Variants in ROR2 observed in about 807,000 individuals in gnomAD.
The protein encoded by ROR2 is tyrosine-protein kinase transmembrane receptor ROR2.
In ROR2, 33 loss-of-function variants were observed where a neutral mutation model predicts 74.9. The ratio of observed to expected loss-of-function variants is 0.44; its 90% confidence interval spans 0.33 to 0.59. The LOEUF (loss-of-function observed/expected upper bound fraction) is 0.59. Among genes scored for constraint, ROR2 ranks in the 20% least tolerant of loss-of-function variants. ROR2 has a pLI of 0.02. For synonymous variants in ROR2, 586 were observed against 558.7 expected, an observed-to-expected ratio of 1.05 and a Z score of -0.69; for missense variants, 1,216 against 1,313.8, an observed-to-expected ratio of 0.93 and a Z score of 1.15.
intron 1 of ROR2, among the ~76,000 whole-genome samples, chr9:91,810,522 C>T (rs1827715466): frequency 6.6e-6 from 1 of 152,176 alleles, no homozygotes; most frequent in South Asian, 2.1e-4. Flanking sequence ...CAGCTGGGAC[C>T]CTCTGCTCTG....
At chr9:91,879,076 A>T (rs1830033774) in intron 1 of ROR2, among the ~76,000 whole-genome samples, 1 of 150,784 alleles carries the variant, frequency 6.6e-6, no homozygotes, top group Admixed American at 6.6e-5. Flanking sequence ...CAAACAATAA[A>T]AAAAAAAAAG....
At chr9:91,913,707 T>C (rs535631841) in intron 1 of ROR2, among the ~76,000 whole-genome samples, 2 of 152,312 alleles carry the variant, frequency 1.3e-5, no homozygotes, top group African/African-American at 2.4e-5. Flanking sequence ...TTCACCAATC[T>C]TGACAGTTTA....
chr9:91,892,594 T>C (rs866469196), intron 1 of ROR2, among the ~76,000 whole-genome samples: 2,628 of 144,460 alleles, frequency 0.018, 97 homozygotes, highest in African/African-American at 0.065. Flanking sequence ...TCTTTTCTTT[T>C]TTTTTTTTTT....
chr9:91,940,397 A>C (rs1419951743), intron 1 of ROR2, among the ~76,000 whole-genome samples: 1 of 152,170 alleles, frequency 6.6e-6, no homozygotes, highest in East Asian at 1.9e-4. Context: ...CAGTCGTCTA[A>C]TTTTATGTGT....
In ROR2 at chr9:91,762,046, C is replaced by T. The variant is rs990175198; in HGVS notation, c.176-4487G>A. 5.9e-5 allele frequency among the ~76,000 whole-genome samples: 9 copies of T among 152,140 alleles called. No individual in the cohort carries two copies. In the South Asian group the frequency reaches 1.0e-3, roughly 18 times the overall value. The stretch of plus-strand genomic sequence containing the variant: ...ATTGTTGTCTCAGTGATTGGCTTTC[C>T]GTGTGGTGAGCAGCAGGACCTAGAC... On this transcript the variant is annotated intron_variant, in intron 2 of 8. Transcript: ENST00000375708.
chr9:91,887,716 A>AT (rs781505635), intron 1 of ROR2, among the ~76,000 whole-genome samples: 53 of 151,838 alleles, frequency 3.5e-4, no homozygotes, highest in Non-Finnish European at 5.6e-4. Flanking sequence ...ATTGCCCAAT[A>AT]ATGTAGGTAT....
intron 1 of ROR2, among the ~76,000 whole-genome samples, chr9:91,913,599 T>A (rs556144730): frequency 7.9e-5 from 12 of 152,332 alleles, no homozygotes; most frequent in African/African-American, 2.9e-4. Context: ...CAAACCCAGG[T>A]ACCCATAGTT....
At chr9:91,876,661 C>T (rs538196220) in intron 1 of ROR2, among the ~76,000 whole-genome samples, 1 of 152,080 alleles carries the variant, frequency 6.6e-6, no homozygotes, top group African/African-American at 2.4e-5. Context: ...AAATGAAGTT[C>T]CAGAGACATT....
rs1827987849 is a variant in ROR2 at position 91,817,660 on chromosome 9, C to T, written c.98-41842G>A. Among the ~76,000 whole-genome samples, 6 of 152,334 alleles carry T rather than the reference C, an allele frequency of 3.9e-5. No homozygotes were observed. The South Asian group carries it at 1.2e-3, about 32-fold the overall frequency. ...AGCAGCACCCCCTTCGCCTGCCAGG[C>T]ACCCGTCGGGGCCTCCTGGGTCCTG... is the stretch of plus-strand genomic sequence containing the variant. On this transcript the variant is annotated intron_variant, in intron 1 of 8. Coordinates refer to ENST00000375708, the MANE Select transcript of ROR2 (RefSeq NM_004560.4).
At chr9:91,861,230 A>T (rs1020042688) in intron 1 of ROR2, among the ~76,000 whole-genome samples, 3 of 150,452 alleles carry the variant, frequency 2.0e-5, no homozygotes, top group African/African-American at 7.5e-5. Flanking sequence ...CAAAATCCTC[A>T]CCTATTTTTT....
At chr9:91,829,271 G>A (rs775833025) in intron 1 of ROR2, among the ~76,000 whole-genome samples, 14 of 152,086 alleles carry the variant, frequency 9.2e-5, no homozygotes, top group Non-Finnish European at 1.2e-4. Flanking sequence ...GGCTGGGCAC[G>A]GTGGCTCACG....
Position 91,722,665 on chromosome 9 carries a change from CG to C in ROR2, c.*996del. The C allele has an allele frequency of 1.3e-6, 1 of 777,484 alleles. No individual in the cohort carries two copies. 48.2% of individuals were successfully genotyped at this position (777,484 alleles called of 1,614,324 possible). On this transcript the variant is annotated 3_prime_UTR_variant, in exon 9 of 9. Coordinates refer to ENST00000375708, the MANE Select transcript of ROR2 (RefSeq NM_004560.4). ...TTACAAATAGGACCAACAATGTGTGCGGGGCACAGACGGCTGCCTGTGGGTC... is the reference window on the plus strand; with the variant it reads ...TTACAAATAGGACCAACAATGTGTGCGGGCACAGACGGCTGCCTGTGGGTC...
chr9:91,830,742 T>C (rs1159508660), intron 1 of ROR2, among the ~76,000 whole-genome samples: 1 of 152,010 alleles, frequency 6.6e-6, no homozygotes, highest in Non-Finnish European at 1.5e-5. Flanking sequence ...TGTTATTATA[T>C]TGAGGGAACA....
chr9:91,784,560 G>A (rs1456229736), intron 1 of ROR2, among the ~76,000 whole-genome samples: 1 of 152,264 alleles, frequency 6.6e-6, no homozygotes, highest in Non-Finnish European at 1.5e-5. Context: ...CAATGCCTGG[G>A]TGGGAGCAGG....
At chr9:91,865,371 C>G (rs539024331) in intron 1 of ROR2, among the ~76,000 whole-genome samples, 2 of 152,332 alleles carry the variant, frequency 1.3e-5, no homozygotes, top group South Asian at 4.1e-4. Flanking sequence ...AACTGTGAAA[C>G]CACGTTTTGG....
intron 1 of ROR2, among the ~76,000 whole-genome samples, chr9:91,949,186 C>T (rs1832099720): frequency 6.6e-6 from 1 of 151,808 alleles, no homozygotes; most frequent in Admixed American, 6.5e-5. Context: ...CAGTCACAAA[C>T]CATTTCAATC....
At chr9:91,807,555 T>C (rs76386801) in intron 1 of ROR2, among the ~76,000 whole-genome samples, 2,828 of 152,208 alleles carry the variant, frequency 0.019, 90 homozygotes, top group East Asian at 0.16. Context: ...AGTAGGTCAG[T>C]TGGAAGTTCT....
At chr9:91,736,633 G>A (rs1179026291) in intron 5 of ROR2, among the ~76,000 whole-genome samples, 1 of 152,216 alleles carries the variant, frequency 6.6e-6, no homozygotes, top group Admixed American at 6.5e-5. Flanking sequence ...ACAGCAGGAG[G>A]AGGGCTCTGT....
Position 91,949,958 on chromosome 9 carries a change from G to A in ROR2, c.6C>T (p.Ala2=), listed in dbSNP as rs1450807756. 1 of 1,477,436 alleles carries A rather than the reference G, an allele frequency of 6.8e-7. No individual in the cohort carries two copies. The highest frequency in any genetic ancestry group is 8.9e-7 in the Non-Finnish European group (1 of 1,121,010). 91.5% of individuals were successfully genotyped at this position (1,477,436 alleles called of 1,614,324 possible). A position where few individuals can be genotyped will look rare whatever the true frequency, so the allele number is the denominator to read the frequency against. Residue 2 remains alanine, a synonymous_variant, in exon 1 of 9, where the codon GCC becomes GCT. Coordinates refer to ENST00000375708, the MANE Select transcript of ROR2 (RefSeq NM_004560.4). ...GCCGCCGCGGGAGCGCCGAGCCCCG[G>A]GCCATGCCGCAGGCAGTGGGGGCCG... M[A]RGSALPRRPL...
Sources: allele counts gnomAD v4.1 joint callset (sites outside exome capture counted in the v4.1 genomes callset), GRCh38; gene constraint gnomAD v4.1.1; transcripts MANE v1.5; gene names NCBI Gene and HGNC (gene_info 2026-07-23, HGNC 2026-07-21).